EEIG1: variants seen among roughly 807,000 people sequenced by gnomAD.
EEIG1 encodes early estrogen-induced gene 1 protein.
At chr9:127,955,999 A>T in the EEIG1 span, among the ~76,000 whole-genome samples, 3 of 152,198 alleles carry the variant, frequency 2.0e-5, no homozygotes, top group East Asian at 5.8e-4. Context: ...ACCAGAATGC[A>T]CCTAGCTTGT....
the EEIG1 span, among the ~76,000 whole-genome samples, chr9:127,969,599 C>T: frequency 2.6e-5 from 4 of 152,156 alleles, no homozygotes; most frequent in African/African-American, 9.7e-5. Context: ...ATCTAGTTCT[C>T]TGGCAGCCTC....
the EEIG1 span, chr9:127,980,161 CCCCG>C: frequency 6.2e-7 from 1 of 1,602,918 alleles, no homozygotes; most frequent in Admixed American, 1.7e-5. Context: ...GAGTCTGAAG[CCCCG>C]AAGGCGAAAA....
chr9:127,953,739 T>A, the EEIG1 span: 2 of 1,612,454 alleles, frequency 1.2e-6, no homozygotes, highest in Non-Finnish European at 1.7e-6. Context: ...CAGCTGGGGG[T>A]GCGGACTCAT....
the EEIG1 span, among the ~76,000 whole-genome samples, chr9:127,976,793 T>C: frequency 1.3e-5 from 2 of 151,766 alleles, no homozygotes; most frequent in Non-Finnish European, 2.9e-5. This position sits in a 1 kb window ranked among gnomAD's most constrained non-coding sequence, Gnocchi z 4.1. Context: ...TGGGCCTGCT[T>C]CACTGACACC....
the EEIG1 span, among the ~76,000 whole-genome samples, chr9:127,956,030 A>T: frequency 6.6e-6 from 1 of 152,104 alleles, no homozygotes; most frequent in Non-Finnish European, 1.5e-5. Context: ...AGCTCCAACA[A>T]CCCTCTGCAA....
chr9:127,968,283 G>A, the EEIG1 span, among the ~76,000 whole-genome samples: 3 of 151,972 alleles, frequency 2.0e-5, no homozygotes, highest in Non-Finnish European at 2.9e-5. Context: ...CTGGCCCCTC[G>A]AATGACTAGA....
chr9:127,945,550 T>C, the EEIG1 span: 1 of 1,564,798 alleles, frequency 6.4e-7, no homozygotes, highest in Non-Finnish European at 8.7e-7. The surrounding 1 kb of genome is among the most constrained non-coding windows in gnomAD (Gnocchi z 6.5). Flanking sequence ...GCGCGAGTGC[T>C]CTGTGCTGTA....
the EEIG1 span, chr9:127,948,332 C>A: frequency 6.2e-7 from 1 of 1,613,564 alleles, no homozygotes; most frequent in Non-Finnish European, 8.5e-7. Context: ...CGGGACTGGG[C>A]TCCCATCCGC....
At chr9:127,978,453 G>A in the EEIG1 span, among the ~76,000 whole-genome samples, 3 of 152,162 alleles carry the variant, frequency 2.0e-5, no homozygotes, top group African/African-American at 7.2e-5. Flanking sequence ...AGGGAGCAAA[G>A]GGCAGACCAG....
At chr9:127,953,995 G>A in the EEIG1 span, 1 of 1,587,128 alleles carries the variant, frequency 6.3e-7, no homozygotes, top group Non-Finnish European at 8.6e-7. Flanking sequence ...GTGGTACCAG[G>A]GACATGGCAC....
At chr9:127,965,870 CA>C in the EEIG1 span, among the ~76,000 whole-genome samples, 1 of 152,246 alleles carries the variant, frequency 6.6e-6, no homozygotes, top group Non-Finnish European at 1.5e-5. Flanking sequence ...TGGCTCCTGC[CA>C]GGGGTTCAGG....
the EEIG1 span, among the ~76,000 whole-genome samples, chr9:127,958,683 AAAAC>A: frequency 5.3e-5 from 8 of 152,122 alleles, no homozygotes; most frequent in South Asian, 2.1e-4. Context: ...AAGAAAAAAC[AAAAC>A]AAACAAACAA....
chr9:127,979,981 C>A, the EEIG1 span: 1 of 1,610,812 alleles, frequency 6.2e-7, no homozygotes, highest in East Asian at 2.2e-5. Flanking sequence ...CGCGACCGCC[C>A]CAGCTCCTAC....
the EEIG1 span, among the ~76,000 whole-genome samples, chr9:127,977,349 T>C: frequency 6.6e-6 from 1 of 152,200 alleles, no homozygotes; most frequent in Non-Finnish European, 1.5e-5. Context: ...GACTAAGACC[T>C]GGAACTTCCC....
At chr9:127,975,113 G>A in the EEIG1 span, among the ~76,000 whole-genome samples, 1 of 152,254 alleles carries the variant, frequency 6.6e-6, no homozygotes, top group Non-Finnish European at 1.5e-5. Context: ...GACCAGGGGG[G>A]TGGAGGCTCT....
At chr9:127,975,049 C>G in the EEIG1 span, among the ~76,000 whole-genome samples, 1 of 152,218 alleles carries the variant, frequency 6.6e-6, no homozygotes, top group Non-Finnish European at 1.5e-5. Context: ...AGGCCTCCCC[C>G]GGAGGTGGAT....
At chr9:127,944,648 G>A in the EEIG1 span, 2 of 1,612,526 alleles carry the variant, frequency 1.2e-6, no homozygotes, top group Non-Finnish European at 1.7e-6. Context: ...CAGCGTGGCA[G>A]AGCCATCGCG....
the EEIG1 span, among the ~76,000 whole-genome samples, chr9:127,961,000 A>G: frequency 6.6e-6 from 1 of 151,898 alleles, no homozygotes; most frequent in Non-Finnish European, 1.5e-5. Context: ...CCACAGCAGC[A>G]GCGGCCACCT....
chr9:127,956,482 C>G, the EEIG1 span, among the ~76,000 whole-genome samples: 1 of 152,152 alleles, frequency 6.6e-6, no homozygotes, highest in African/African-American at 2.4e-5. Flanking sequence ...ATAAACTCAG[C>G]TCACTGCAAC....
Sources: gnomAD v4.1 joint callset for allele counts (sites outside exome capture counted in the v4.1 genomes callset) on GRCh38, gnomAD v4.1.1 for gene constraint, Gnocchi (gnomAD v3.1) non-coding constraint, MANE v1.5 for transcripts, NCBI Gene and HGNC (gene_info 2026-07-23, HGNC 2026-07-21) for gene names.